The following GALNT13 variants were observed in gnomAD, a reference collection of about 807,000 sequenced individuals.
GALNT13 encodes UDP-GalNAc:polypeptide N-acetylgalactosaminyltransferase 13.
A neutral mutation model predicts 64.2 loss-of-function variants in GALNT13; 28 were observed. That is an observed-to-expected ratio of 0.44 (90% confidence interval 0.32 to 0.60). The LOEUF (loss-of-function observed/expected upper bound fraction) is 0.60. Among genes scored for constraint, GALNT13 ranks in the 20% least tolerant of loss-of-function variants. The pLI, the probability that GALNT13 is intolerant of heterozygous loss-of-function variation, is 0.05. For missense variants in GALNT13, 577 were observed against 669.8 expected (o/e 0.86, Z 1.53); for synonymous variants, 214 against 224.6 (o/e 0.95, Z 0.42).
rs1024384937 is a variant in GALNT13 at position 154,452,454 on chromosome 2, ATTAC to A, written c.*1907_*1910del. On this transcript the variant is annotated 3_prime_UTR_variant, in exon 13 of 13. Coordinates refer to ENST00000392825, the MANE Select transcript of GALNT13 (RefSeq NM_052917.4). ...AGGTAAAAAGACCCTGCACAGCATT[ATTAC>A]TTAAGTTGAAAAAGCTTCAACTCTC... 6.6e-6 allele frequency: 1 copy of A among 152,060 alleles called. No individual in the cohort carries two copies. Among genetic ancestry groups the A allele is most frequent in the African/African-American group, 2.4e-5 (1 of 41,420 alleles). 9.4% of individuals were successfully genotyped at this position (152,060 alleles called of 1,614,324 possible).
chr2:153,211,362 C>T, the GALNT13 span, among the ~76,000 whole-genome samples: 270 of 152,144 alleles, frequency 1.8e-3, 1 homozygote, highest in Non-Finnish European at 3.2e-3. Flanking sequence ...AGGATAGTCT[C>T]GAGCTCCTGC....
intron 2 of GALNT13, among the ~76,000 whole-genome samples, chr2:153,914,151 C>G (rs567459667): frequency 6.6e-6 from 1 of 152,206 alleles, no homozygotes; most frequent in South Asian, 2.1e-4. Context: ...GTCTTATTGA[C>G]TTGGCTAGAA....
chr2:153,307,406 A>G, the GALNT13 span, among the ~76,000 whole-genome samples: 34,052 of 152,120 alleles, frequency 0.22, 4,034 homozygotes, highest in Middle Eastern at 0.34. Context: ...AAAAATAGAA[A>G]TGGCCTAAAT....
At chr2:153,819,491 C>T in the GALNT13 span, among the ~76,000 whole-genome samples, 1 of 152,306 alleles carries the variant, frequency 6.6e-6, no homozygotes, top group South Asian at 2.1e-4. Context: ...CTCCTCCAAG[C>T]CACCCTTGTC....
At position 154,198,785 on chromosome 2, in the gene GALNT13, A is replaced by G. The variant is rs1348776844; in HGVS notation, c.312-43245A>G. Among the ~76,000 whole-genome samples, 5 of 152,088 alleles carry G rather than the reference A, an allele frequency of 3.3e-5. No homozygotes were observed. In the East Asian group the frequency reaches 9.6e-4, roughly 29 times the overall value. ...GAAGGGTCAAGGACTTAATAAGGTT[A>G]TCTTACAAAGTGGAGAATTAAGATA... On this transcript the variant is annotated intron_variant, in intron 4 of 12. Transcript: ENST00000392825.
the GALNT13 span, among the ~76,000 whole-genome samples, chr2:153,513,616 T>G: frequency 4.6e-5 from 7 of 152,186 alleles, no homozygotes; most frequent in African/African-American, 1.7e-4. Context: ...AACACTTCAG[T>G]AATTCCATTA....
chr2:154,248,248 C>T (rs1689885748), intron 7 of GALNT13, among the ~76,000 whole-genome samples: 1 of 152,058 alleles, frequency 6.6e-6, no homozygotes, highest in African/African-American at 2.4e-5. Context: ...ATCAGTTATA[C>T]TACATCTAAA....
intron 8 of GALNT13, among the ~76,000 whole-genome samples, chr2:154,293,801 A>G (rs1208548778): frequency 6.6e-6 from 1 of 152,192 alleles, no homozygotes; most frequent in African/African-American, 2.4e-5. Flanking sequence ...CGAGGTAGTC[A>G]TTGTGGACTC....
chr2:153,301,877 T>TTGTGTG, the GALNT13 span, among the ~76,000 whole-genome samples: 11,678 of 146,082 alleles, frequency 0.08, 1,503 homozygotes, highest in African/African-American at 0.27. Flanking sequence ...GTATTCCACT[T>TTGTGTG]TGTGTGTGTG....
chr2:154,325,827 T>G (rs1008632414), intron 9 of GALNT13, among the ~76,000 whole-genome samples: 1 of 152,142 alleles, frequency 6.6e-6, no homozygotes, highest in Non-Finnish European at 1.5e-5. Flanking sequence ...GGTATATAAC[T>G]AGCTTAGGCA....
chr2:153,594,649 A>G, the GALNT13 span, among the ~76,000 whole-genome samples: 1 of 152,100 alleles, frequency 6.6e-6, no homozygotes, highest in Non-Finnish European at 1.5e-5. Flanking sequence ...TTCCTTTTGA[A>G]CATATCAAGT....
intron 1 of GALNT13, among the ~76,000 whole-genome samples, chr2:153,873,574 CAG>C (rs1686144119): frequency 2.6e-5 from 4 of 152,178 alleles, no homozygotes; most frequent in African/African-American, 4.8e-5. Context: ...GTGTTGCTAG[CAG>C]AGGAGAGGAG....
chr2:154,048,993 A>AGATATT (rs11281806), intron 3 of GALNT13, among the ~76,000 whole-genome samples: 64,035 of 151,572 alleles, frequency 0.42, 14,202 homozygotes, highest in East Asian at 0.74. Flanking sequence ...TTATAAATTA[A>AGATATT]GATATTACGT....
At chr2:153,204,613 C>T in the GALNT13 span, among the ~76,000 whole-genome samples, 2 of 152,258 alleles carry the variant, frequency 1.3e-5, no homozygotes, top group East Asian at 1.9e-4. Context: ...GGCCTTTTTC[C>T]TCCAAATTGC....
At chr2:153,784,678 T>C in the GALNT13 span, among the ~76,000 whole-genome samples, 1 of 152,234 alleles carries the variant, frequency 6.6e-6, no homozygotes, top group Non-Finnish European at 1.5e-5. Flanking sequence ...AGTAGAAGGT[T>C]AAACTCACAT....
At chr2:154,122,601 A>AG in intron 3 of GALNT13, among the ~76,000 whole-genome samples, 1 of 152,124 alleles carries the variant, frequency 6.6e-6, no homozygotes, top group East Asian at 1.9e-4. Context: ...CTTCTACAAC[A>AG]GGTATAGGAT....
chr2:153,220,352 C>T, the GALNT13 span, among the ~76,000 whole-genome samples: 1 of 152,168 alleles, frequency 6.6e-6, no homozygotes, highest in Non-Finnish European at 1.5e-5. Flanking sequence ...AACTGGTAAT[C>T]GGCAGCTTTC....
the GALNT13 span, among the ~76,000 whole-genome samples, chr2:153,137,426 C>T: frequency 6.6e-6 from 1 of 152,166 alleles, no homozygotes; most frequent in Non-Finnish European, 1.5e-5. Context: ...TACTCCAGGT[C>T]TGTCCTCAAG....
At chr2:153,713,361 A>G in the GALNT13 span, among the ~76,000 whole-genome samples, 1 of 152,210 alleles carries the variant, frequency 6.6e-6, no homozygotes, top group Non-Finnish European at 1.5e-5. Flanking sequence ...AATATCACTG[A>G]AGCTACAAAC....
Sources: allele counts gnomAD v4.1 joint callset (sites outside exome capture counted in the v4.1 genomes callset), GRCh38; gene constraint gnomAD v4.1.1; transcripts MANE v1.5; gene names NCBI Gene and HGNC (gene_info 2026-07-23, HGNC 2026-07-21).